The following TNIK variants were observed in gnomAD, a reference collection of about 807,000 sequenced individuals.
TNIK encodes TRAF2 and NCK-interacting protein kinase.
In TNIK, 49 loss-of-function variants were observed where a neutral mutation model predicts 191.3. That is an observed-to-expected ratio of 0.26 (90% CI 0.20 to 0.32). TNIK has a LOEUF of 0.32. Among genes scored for constraint, TNIK ranks in the 10% least tolerant of loss-of-function variants. The pLI is 1.00. For synonymous variants in TNIK, 594 were observed against 600.9 expected (o/e 0.99, Z 0.17); for missense variants, 1,155 against 1,702.3 (o/e 0.68, Z 5.66).
intron 1 of TNIK, among the ~76,000 whole-genome samples, chr3:171,379,162 T>C (rs1717671143): frequency 1.3e-5 from 2 of 152,216 alleles, no homozygotes; most frequent in Admixed American, 6.5e-5. Context: ...GCATAAAAGA[T>C]AAATAATATT....
rs1264501653 is a variant in TNIK, at chr3:171,062,643, G to A, written c.*1238C>T. 6.6e-6 allele frequency: 1 copy of A among 152,156 alleles called. No homozygotes were observed. The highest frequency in any genetic ancestry group is 1.5e-5 in the Non-Finnish European group (1 of 68,016). The allele number at this position is 152,156 out of a possible 1,614,324, so 9.4% of individuals were successfully genotyped here. On this transcript the variant is annotated 3_prime_UTR_variant, in exon 33 of 33. Coordinates refer to ENST00000436636, the MANE Select transcript of TNIK (RefSeq NM_015028.4). ...AAAGTGATTAGGGTCTCAAAATTTT[G>A]TCCAAAGCCTTGCTTTCAAGTTCTC...
chr3:171,253,497 C>A (rs577831510), intron 2 of TNIK, among the ~76,000 whole-genome samples: 1 of 151,602 alleles, frequency 6.6e-6, no homozygotes, highest in African/African-American at 2.4e-5. Flanking sequence ...TGCCTCCCAA[C>A]CCTCCCTTTA....
At chr3:171,196,693 G>C (rs1738717500) in intron 4 of TNIK, among the ~76,000 whole-genome samples, 1 of 152,130 alleles carries the variant, frequency 6.6e-6, no homozygotes, top group Non-Finnish European at 1.5e-5. Context: ...TTTAAAAAAA[G>C]ATATACACAT....
chr3:171,362,243 C>T (rs1411186961), intron 2 of TNIK, among the ~76,000 whole-genome samples: 1 of 152,142 alleles, frequency 6.6e-6, no homozygotes. Flanking sequence ...CACTAAAGAC[C>T]AAATATAATA....
chr3:171,319,304 T>C (rs1754947192), intron 2 of TNIK, among the ~76,000 whole-genome samples: 1 of 152,238 alleles, frequency 6.6e-6, no homozygotes, highest in Non-Finnish European at 1.5e-5. Flanking sequence ...TCCATAGTTT[T>C]ATAGAAAATG....
At chr3:171,374,049 T>C (rs748743814) in intron 1 of TNIK, among the ~76,000 whole-genome samples, 2 of 152,350 alleles carry the variant, frequency 1.3e-5, no homozygotes, top group Admixed American at 6.5e-5. Flanking sequence ...GTCCAATACA[T>C]AACTGCTAGA....
At chr3:171,161,637 G>C (rs2108735798) in intron 10 of TNIK, among the ~76,000 whole-genome samples, 1 of 152,056 alleles carries the variant, frequency 6.6e-6, no homozygotes, top group African/African-American at 2.4e-5. Context: ...TAACTTGTTT[G>C]GCCGGGCACG....
intron 23 of TNIK, among the ~76,000 whole-genome samples, 185 bp from the exon 24 acceptor site, chr3:171,087,691 G>A (rs546455910): frequency 2.0e-5 from 3 of 152,326 alleles, no homozygotes; most frequent in Non-Finnish European, 4.4e-5. Context: ...CCAATATTTA[G>A]TTTATGGATT....
At chr3:171,242,397 C>G (rs1745096553) in intron 2 of TNIK, among the ~76,000 whole-genome samples, 1 of 152,174 alleles carries the variant, frequency 6.6e-6, no homozygotes, top group African/African-American at 2.4e-5. Flanking sequence ...CTTCTAACAG[C>G]ACCTGATCTG....
chr3:171,139,615 G>C, intron 13 of TNIK, 59 bp from the exon 14 acceptor site: 2 of 1,569,594 alleles, frequency 1.3e-6, no homozygotes, highest in Non-Finnish European at 1.8e-6. Context: ...AAATGAACCA[G>C]TAATTTCAAA....
chr3:171,441,899 A>G (rs896310339), intron 1 of TNIK, among the ~76,000 whole-genome samples: 5 of 152,254 alleles, frequency 3.3e-5, no homozygotes, highest in African/African-American at 1.2e-4. Flanking sequence ...CAGAGTTCAC[A>G]TGATCTCACA....
intron 2 of TNIK, among the ~76,000 whole-genome samples, chr3:171,244,114 G>T (rs1210041136): frequency 5.3e-5 from 8 of 150,524 alleles, no homozygotes; most frequent in African/African-American, 2.0e-4. Context: ...GCCGGGGTGG[G>T]AATGCAGGCG....
intron 2 of TNIK, among the ~76,000 whole-genome samples, chr3:171,359,286 G>T (rs563244233): frequency 5.3e-5 from 8 of 152,122 alleles, no homozygotes; most frequent in Non-Finnish European, 8.8e-5. Context: ...AAACAGTAAC[G>T]GGCAAGTTTT....
chr3:171,129,727 C>G (rs571370087), intron 15 of TNIK, among the ~76,000 whole-genome samples: 1 of 152,194 alleles, frequency 6.6e-6, no homozygotes, highest in Non-Finnish European at 1.5e-5. Flanking sequence ...AAGGGCTTCA[C>G]GGGAAATGCT....
chr3:171,182,849 CTATGG>C (rs1381463192), intron 7 of TNIK, among the ~76,000 whole-genome samples: 1 of 152,176 alleles, frequency 6.6e-6, no homozygotes, highest in Non-Finnish European at 1.5e-5. Flanking sequence ...TAGAAGGTGC[CTATGG>C]TCTGCAGCCA....
chr3:171,113,563 G>A (rs993443603), intron 18 of TNIK, among the ~76,000 whole-genome samples: 2 of 150,852 alleles, frequency 1.3e-5, no homozygotes, highest in Admixed American at 6.6e-5. Flanking sequence ...CGGAGATCGC[G>A]CTACTGCACT....
At chr3:171,156,342 G>A (rs561647665) in intron 12 of TNIK, among the ~76,000 whole-genome samples, 1 of 152,238 alleles carries the variant, frequency 6.6e-6, no homozygotes, top group East Asian at 1.9e-4. Context: ...GGACCTTGAT[G>A]TACCATTTAA....
chr3:171,169,253 G>A (rs1734989592), intron 9 of TNIK, among the ~76,000 whole-genome samples: 1 of 151,906 alleles, frequency 6.6e-6, no homozygotes, highest in Admixed American at 6.6e-5. Context: ...CTAGAAGGAA[G>A]TGCTTATTTT....
chr3:171,193,957 G>A (rs996028656), intron 5 of TNIK, among the ~76,000 whole-genome samples: 1 of 152,142 alleles, frequency 6.6e-6, no homozygotes, highest in South Asian at 2.1e-4. Flanking sequence ...CAAACAGGCA[G>A]TCTTGTTCAG....
Sources: allele counts gnomAD v4.1 joint callset (sites outside exome capture counted in the v4.1 genomes callset), GRCh38; gene constraint gnomAD v4.1.1; transcripts MANE v1.5; gene names NCBI Gene and HGNC (gene_info 2026-07-23, HGNC 2026-07-21).